The following ATP10B variants were observed in gnomAD, a reference collection of about 807,000 sequenced individuals.
ATP10B encodes phospholipid-transporting ATPase VB.
Under a neutral mutation model 141.2 loss-of-function variants are expected in ATP10B, and 122 were observed. The observed-to-expected ratio is 0.86, with a 90% CI of 0.75 to 1.00. The LOEUF (loss-of-function observed/expected upper bound fraction) is 1.00, where lower values mean the gene tolerates loss of function less well. Ranked by LOEUF, ATP10B falls within the 50% of genes least tolerant of loss-of-function variation. ATP10B has a pLI of 0.00. For synonymous variants in ATP10B, 685 were observed against 692.0 expected, an observed-to-expected ratio of 0.99 and a Z score of 0.16; for missense variants, 1,876 against 1,825.3, an observed-to-expected ratio of 1.03 and a Z score of -0.51.
At chr5:160,619,107 T>C (rs941261434) in intron 15 of ATP10B, among the ~76,000 whole-genome samples, 1 of 152,232 alleles carries the variant, frequency 6.6e-6, no homozygotes, top group Non-Finnish European at 1.5e-5. Flanking sequence ...CATCGCCTGA[T>C]TCGGCACTAT....
rs1384333079 is a variant in ATP10B, at chr5:160,600,927, A to G, written c.3363+1650T>C. Among the ~76,000 whole-genome samples, 2 of 152,182 alleles carry G rather than the reference A, an allele frequency of 1.3e-5. 1 individual carries two copies. The highest frequency in any genetic ancestry group is 2.9e-5 in the Non-Finnish European group (2 of 68,038). On this transcript the variant is annotated intron_variant, in intron 21 of 25. Transcript: ENST00000327245. The stretch of plus-strand genomic sequence containing the variant: ...TTAGTATCGCAATTTTGAGCATGGC[A>G]TTGGGCTGGAAATAAATATCATTTA...
chr5:160,616,483 T>C (rs1000211888), intron 16 of ATP10B, among the ~76,000 whole-genome samples: 8 of 152,146 alleles, frequency 5.3e-5, no homozygotes. Context: ...CTTCCTTCTG[T>C]TCCTTGAATG....
intron 1 of ATP10B, among the ~76,000 whole-genome samples, chr5:160,816,353 A>G (rs1309338029): frequency 1.3e-5 from 2 of 152,132 alleles, no homozygotes; most frequent in African/African-American, 4.8e-5. Context: ...ACAAACTACC[A>G]TCAGAGAATA....
chr5:160,785,390 T>C (rs943807748), intron 2 of ATP10B, among the ~76,000 whole-genome samples, 169 bp downstream of exon 2: 1 of 152,122 alleles, frequency 6.6e-6, no homozygotes, highest in African/African-American at 2.4e-5. Context: ...ACGTTTATTT[T>C]ACTGGGTTGG....
chr5:160,605,004 C>T (rs1356299841), intron 19 of ATP10B, among the ~76,000 whole-genome samples: 2 of 152,160 alleles, frequency 1.3e-5, no homozygotes, highest in Non-Finnish European at 1.5e-5. Flanking sequence ...AACAGTTATT[C>T]TTGCTGAAAG....
chr5:160,894,203 G>C, the ATP10B span, among the ~76,000 whole-genome samples: 2 of 152,136 alleles, frequency 1.3e-5, no homozygotes, highest in East Asian at 1.9e-4. Context: ...TGAGTTTGAT[G>C]AATGAGCCTG....
the ATP10B span, among the ~76,000 whole-genome samples, chr5:160,864,292 T>C: frequency 1.3e-5 from 2 of 151,990 alleles, no homozygotes; most frequent in Non-Finnish European, 2.9e-5. Context: ...AGTCAATAAA[T>C]GTGATACATT....
the ATP10B span, among the ~76,000 whole-genome samples, chr5:160,911,098 C>A: frequency 6.6e-6 from 1 of 152,168 alleles, no homozygotes; most frequent in Admixed American, 6.5e-5. Flanking sequence ...AGAAATGTTT[C>A]CAATGGCCTG....
intron 2 of ATP10B, among the ~76,000 whole-genome samples, chr5:160,765,738 T>C (rs890651342): frequency 1.3e-5 from 2 of 152,004 alleles, no homozygotes; most frequent in Non-Finnish European, 1.5e-5. Context: ...AAGCTTCTGC[T>C]CAGCAAATGA....
chr5:160,679,019 A>G (rs1312437655), intron 6 of ATP10B, among the ~76,000 whole-genome samples: 1 of 152,212 alleles, frequency 6.6e-6, no homozygotes, highest in African/African-American at 2.4e-5. Context: ...TGCCAGAGAG[A>G]TATTATGATC....
chr5:160,794,209 C>T (rs11135125), intron 1 of ATP10B, among the ~76,000 whole-genome samples: 66,915 of 151,918 alleles, frequency 0.44, 14,824 homozygotes, highest in East Asian at 0.6. Flanking sequence ...CAGACAATGT[C>T]GCTGCTTGTA....
At position 160,606,938 on chromosome 5, in the gene ATP10B, A is replaced by C; in HGVS notation, c.2987T>G (p.Leu996Trp). The change falls in exon 19 of 26, where the codon TTG becomes TGG. Residue 996 changes from leucine to tryptophan, a missense_variant. Physicochemically the swap from Leu to Trp is moderately conservative, Grantham distance 61. Transcript: ENST00000327245. ...TSEAVVPEAGLVIDGKTLNAI... is the reference protein window; with the variant it reads ...TSEAVVPEAGWVIDGKTLNAI... ...ATTCAATGTCTTCCCATCGATGACC[A>C]ATCCAGCTTCTGGAACCACAGCTTC... 1 of 1,614,192 alleles carries C rather than the reference A, an allele frequency of 6.2e-7. No individual in the cohort carries two copies. Among genetic ancestry groups the C allele is most frequent in the East Asian group, 2.2e-5 (1 of 44,878 alleles).
chr5:160,927,210 G>C, the ATP10B span, among the ~76,000 whole-genome samples: 1 of 152,180 alleles, frequency 6.6e-6, no homozygotes, highest in Admixed American at 6.5e-5. Context: ...AACAGAAAGA[G>C]ATATGCGAGC....
chr5:160,629,253 C>T (rs370077607), intron 13 of ATP10B, among the ~76,000 whole-genome samples: 27 of 152,254 alleles, frequency 1.8e-4, no homozygotes, highest in East Asian at 9.6e-4. Context: ...CCACCTGGGG[C>T]TGCCACAGGA....
chr5:160,697,678 C>A (rs1470607151), intron 3 of ATP10B, among the ~76,000 whole-genome samples: 1 of 152,046 alleles, frequency 6.6e-6, no homozygotes, highest in Non-Finnish European at 1.5e-5. Context: ...AAAGAAATAG[C>A]AACCACCTAA....
At chr5:160,725,736 C>T (rs934538752) in intron 2 of ATP10B, among the ~76,000 whole-genome samples, 1 of 152,146 alleles carries the variant, frequency 6.6e-6, no homozygotes, top group Non-Finnish European at 1.5e-5. Context: ...TGAGCCACCA[C>T]GCCCGGCCTA....
At chr5:160,910,862 T>A in the ATP10B span, among the ~76,000 whole-genome samples, 1 of 152,318 alleles carries the variant, frequency 6.6e-6, no homozygotes, top group Middle Eastern at 3.4e-3. Context: ...TCATAAAATT[T>A]GATCCTCAAT....
At chr5:160,670,405 G>C (rs1187849054) in intron 7 of ATP10B, 58 bp downstream of exon 7, 1 of 1,568,192 alleles carries the variant, frequency 6.4e-7, no homozygotes, top group African/African-American at 1.4e-5. Flanking sequence ...TTTTCCAGTA[G>C]GGTAGGCTTG....
At chr5:160,622,759 C>G (rs1468900278) in intron 13 of ATP10B, among the ~76,000 whole-genome samples, 174 bp from the exon 14 acceptor site, 1 of 152,204 alleles carries the variant, frequency 6.6e-6, no homozygotes, top group East Asian at 1.9e-4. Flanking sequence ...CTTCCTGCCT[C>G]TCAGTGCCAC....
Sources: gnomAD v4.1 joint callset for allele counts (sites outside exome capture counted in the v4.1 genomes callset) on GRCh38, gnomAD v4.1.1 for gene constraint, MANE v1.5 for transcripts, NCBI Gene and HGNC (gene_info 2026-07-23, HGNC 2026-07-21) for gene names.